PCDH15: variants seen among roughly 807,000 people sequenced by gnomAD.
The protein encoded by PCDH15 is protocadherin related 15, also known as protocadherin-15.
In PCDH15, 129 loss-of-function variants were observed where a neutral mutation model predicts 178.5. The ratio of observed to expected loss-of-function variants is 0.72; its 90% confidence interval spans 0.63 to 0.84. The LOEUF is 0.84. Among genes scored for constraint, PCDH15 ranks in the 40% least tolerant of loss-of-function variants. The pLI is 0.00. For missense variants in PCDH15, 2,230 were observed against 2,099.9 expected (o/e 1.06, Z -1.21); for synonymous variants, 800 against 732.0 (o/e 1.09, Z -1.50).
intron 2 of PCDH15, chr10:55,468,514 A>T (rs1839888177): frequency 1.3e-5 from 2 of 152,160 alleles, no homozygotes; most frequent in African/African-American, 4.8e-5. Flanking sequence ...TCCTGCTGTG[A>T]AACATAGATT....
At position 55,372,199 on chromosome 10, in the gene PCDH15, A is replaced by G. The variant is rs1320651668; in HGVS notation, c.-155-205548T>C. ...ATATTTATTATTTTTCTACACTTATAGAGAAATGCATTTACTCAAGATTCT... is the reference window on the plus strand; with the variant it reads ...ATATTTATTATTTTTCTACACTTATGGAGAAATGCATTTACTCAAGATTCT... On this transcript the variant is annotated intron_variant, in intron 2 of 5. Transcript: ENST00000613346. 3.9e-5 allele frequency among the ~76,000 whole-genome samples: 6 copies of G among 152,160 alleles called. No homozygotes were observed. In the South Asian group the frequency reaches 1.2e-3, roughly 31 times the overall value.
intron 1 of PCDH15, among the ~76,000 whole-genome samples, chr10:54,667,579 A>G (rs1344972104): frequency 6.6e-6 from 1 of 152,108 alleles, no homozygotes; most frequent in African/African-American, 2.4e-5. Context: ...GATGAATTCC[A>G]TAATCTTGCT....
chr10:53,825,628 G>GAAGTT (rs1019195198), intron 32 of PCDH15, among the ~76,000 whole-genome samples: 1 of 151,458 alleles, frequency 6.6e-6, no homozygotes, highest in Non-Finnish European at 1.5e-5. Flanking sequence ...GTTATCATAC[G>GAAGTT]AAGTTATTAC....
chr10:55,583,765 C>G, intron 2 of PCDH15, among the ~76,000 whole-genome samples: 1 of 152,036 alleles, frequency 6.6e-6, no homozygotes. Context: ...GAGAATTCCA[C>G]AATATCGGTT....
chr10:55,119,292 C>G (rs1837706070), intron 2 of PCDH15, among the ~76,000 whole-genome samples: 1 of 152,160 alleles, frequency 6.6e-6, no homozygotes, highest in Non-Finnish European at 1.5e-5. Context: ...CTTCAGTCTT[C>G]AGTGGCAATG....
At chr10:54,260,325 T>A (rs2057219209) in intron 8 of PCDH15, among the ~76,000 whole-genome samples, 1 of 152,060 alleles carries the variant, frequency 6.6e-6, no homozygotes, top group Non-Finnish European at 1.5e-5. Context: ...TCTCTCTCTG[T>A]CGCCCCCAAT....
chr10:53,888,091 A>T (rs958551323), intron 26 of PCDH15, among the ~76,000 whole-genome samples: 1 of 151,382 alleles, frequency 6.6e-6, no homozygotes, highest in Non-Finnish European at 1.5e-5. Flanking sequence ...ATAGTTTAAA[A>T]AATGCTATTA....
intron 25 of PCDH15, chr10:53,905,076 C>G: frequency 2.2e-6 from 1 of 456,046 alleles, no homozygotes; most frequent in East Asian, 5.8e-5. Flanking sequence ...TGGATGGTAA[C>G]CAAATCCTAC....
At chr10:54,225,475 T>C (rs1260137489) in intron 9 of PCDH15, among the ~76,000 whole-genome samples, 2 of 152,192 alleles carry the variant, frequency 1.3e-5, no homozygotes, top group Non-Finnish European at 2.9e-5. Flanking sequence ...GATGTGTTCC[T>C]TTTTCATAGT....
At chr10:53,924,262 C>A (rs569218272) in intron 25 of PCDH15, among the ~76,000 whole-genome samples, 2 of 152,186 alleles carry the variant, frequency 1.3e-5, no homozygotes, top group South Asian at 4.1e-4. Flanking sequence ...GCTTGGTGGA[C>A]TCCGCACTCA....
chr10:55,382,299 T>C (rs1266278715), intron 2 of PCDH15, among the ~76,000 whole-genome samples: 1 of 152,102 alleles, frequency 6.6e-6, no homozygotes, highest in East Asian at 1.9e-4. Context: ...TTATATTGCA[T>C]GGAAACAAAA....
intron 1 of PCDH15, among the ~76,000 whole-genome samples, chr10:55,277,132 C>G (rs987106378): frequency 6.6e-6 from 1 of 151,974 alleles, no homozygotes; most frequent in Non-Finnish European, 1.5e-5. Flanking sequence ...AGTATCTAAT[C>G]TGCTATACTA....
chr10:54,816,677 A>T (rs191114285), intron 3 of PCDH15, among the ~76,000 whole-genome samples: 1 of 152,222 alleles, frequency 6.6e-6, no homozygotes, highest in East Asian at 1.9e-4. Flanking sequence ...ATGTTAAATA[A>T]ATTTGAATGT....
At chr10:54,592,810 T>C (rs2133956533) in intron 2 of PCDH15, among the ~76,000 whole-genome samples, 1 of 152,316 alleles carries the variant, frequency 6.6e-6, no homozygotes, top group African/African-American at 2.4e-5. Context: ...TTCCCATCAA[T>C]ATGTCTTCCT....
At chr10:55,134,443 G>A (rs1838136298) in intron 2 of PCDH15, among the ~76,000 whole-genome samples, 1 of 152,086 alleles carries the variant, frequency 6.6e-6, no homozygotes, top group African/African-American at 2.4e-5. Flanking sequence ...TCTTTTCAAA[G>A]GAAAATATAT....
At chr10:55,392,126 A>G (rs756668335) in intron 2 of PCDH15, among the ~76,000 whole-genome samples, 1 of 152,196 alleles carries the variant, frequency 6.6e-6, no homozygotes, top group Non-Finnish European at 1.5e-5. Flanking sequence ...GTGGTGCCCC[A>G]ACACAAATGA....
intron 1 of PCDH15, among the ~76,000 whole-genome samples, chr10:55,234,647 C>T (rs973111958): frequency 2.0e-5 from 3 of 151,990 alleles, no homozygotes; most frequent in African/African-American, 7.3e-5. Flanking sequence ...TCCCAAAGTG[C>T]TAGGATTACA....
intron 16 of PCDH15, among the ~76,000 whole-genome samples, chr10:54,089,112 T>C (rs563519756): frequency 6.6e-6 from 1 of 152,344 alleles, no homozygotes; most frequent in African/African-American, 2.4e-5. Flanking sequence ...CTCATGTTTG[T>C]AAAATTCTAT....
intron 17 of PCDH15, among the ~76,000 whole-genome samples, chr10:54,072,516 T>C (rs1011829454): frequency 1.3e-5 from 2 of 152,106 alleles, no homozygotes; most frequent in Non-Finnish European, 2.9e-5. Context: ...CCTTCTATTA[T>C]GAATTACGGG....
Sources: gnomAD v4.1 joint callset for allele counts (sites outside exome capture counted in the v4.1 genomes callset) on GRCh38, gnomAD v4.1.1 for gene constraint, MANE v1.5 for transcripts, NCBI Gene and HGNC (gene_info 2026-07-23, HGNC 2026-07-21) for gene names.